KIF25: variants seen among roughly 807,000 people sequenced by gnomAD.
KIF25 encodes kinesin family member 25.
KIF25 carries 19 observed loss-of-function variants against 32.9 expected under a neutral mutation model. The ratio of observed to expected loss-of-function variants is 0.58; its 90% confidence interval spans 0.40 to 0.85. The LOEUF is 0.85. Among genes scored for constraint, KIF25 ranks in the 40% least tolerant of loss-of-function variants. The pLI, the probability that KIF25 is intolerant of heterozygous loss-of-function variation, is 0.00. For synonymous variants in KIF25, 225 were observed against 213.7 expected (o/e 1.05, Z -0.46); for missense variants, 485 against 507.0 (o/e 0.96, Z 0.42).
chr6:168,020,221 T>A (rs1480546825), intron 5 of KIF25, among the ~76,000 whole-genome samples: 1 of 152,012 alleles, frequency 6.6e-6, no homozygotes, highest in Non-Finnish European at 1.5e-5. Context: ...GGGTCAGACA[T>A]GAAAATGACC....
At chr6:168,018,399 T>G (rs1441877169) in intron 5 of KIF25, among the ~76,000 whole-genome samples, 6 of 152,222 alleles carry the variant, frequency 3.9e-5, no homozygotes, top group Non-Finnish European at 8.8e-5. Context: ...CAAGCTAGGC[T>G]GAGCTACAAT....
chr6:167,998,318 A>G lies in KIF25; in HGVS notation c.-1151A>G, dbSNP rs1261470870. Reference sequence around the variant, plus strand: ...CTGAGGAGCGTGCAGTGCGCGGCCCATGGAGAATATGCAGGCAGAGGCTGA... The same window carrying G: ...CTGAGGAGCGTGCAGTGCGCGGCCCGTGGAGAATATGCAGGCAGAGGCTGA... On this transcript the variant is annotated 5_prime_UTR_variant, in exon 1 of 13. The change abolishes an upstream ATG in the 5' untranslated region. Transcript: ENST00000643607. 6.6e-6 allele frequency: 1 copy of G among 152,228 alleles called. No homozygotes were observed. Among genetic ancestry groups the G allele is most frequent in the Non-Finnish European group, 1.5e-5 (1 of 68,060 alleles). The allele number at this position is 152,228 out of a possible 1,614,324, so 9.4% of individuals were successfully genotyped here.
chr6:168,041,972 A>G lies in KIF25; in HGVS notation c.650A>G (p.Asp217Gly). The G allele has an allele frequency of 1.3e-6, 2 of 1,551,410 alleles. No individual in the cohort carries two copies. Among genetic ancestry groups the G allele is most frequent in the Non-Finnish European group, 1.7e-6 (2 of 1,147,064 alleles). Residue 217 changes from aspartate (D) to glycine (G), a missense_variant, in exon 11 of 13, where the codon GAC (aspartate) becomes GGC (glycine). Coordinates refer to ENST00000643607, the MANE Select transcript of KIF25 (RefSeq NM_030615.4). ...GTCGCTCCTTGGTCCCTTGCAGCAG[A>G]CCAAGCCTGCAGTGCCACCCTCCCC... ...TTASCSDSTA[D>G]QACSATLPRE...
chr6:168,008,855 C>T (rs1409240525), intron 4 of KIF25, among the ~76,000 whole-genome samples: 1 of 151,826 alleles, frequency 6.6e-6, no homozygotes, highest in African/African-American at 2.4e-5. Flanking sequence ...ATGGGAGTGC[C>T]TTTTAAATTT....
chr6:168,006,395 G>A, intron 4 of KIF25, among the ~76,000 whole-genome samples: 1 of 152,124 alleles, frequency 6.6e-6, no homozygotes, highest in Non-Finnish European at 1.5e-5. Flanking sequence ...GTAATACTCA[G>A]CAATACAACG....
chr6:168,022,669 G>A (rs528806504), intron 5 of KIF25, among the ~76,000 whole-genome samples: 2 of 151,604 alleles, frequency 1.3e-5, no homozygotes, highest in South Asian at 4.2e-4. Context: ...TTGTATCTTT[G>A]TTGCCACTGA....
intron 7 of KIF25, among the ~76,000 whole-genome samples, chr6:168,032,171 G>C (rs543539216): frequency 6.6e-6 from 1 of 152,294 alleles, no homozygotes; most frequent in East Asian, 1.9e-4. Flanking sequence ...AGGCCTGTCC[G>C]GCCCCCACTT....
At position 168,038,609 on chromosome 6, in the gene KIF25, T is replaced by C. The variant is rs1046586766; in HGVS notation, c.374T>C (p.Val125Ala). The C allele has an allele frequency of 8.1e-6, 13 of 1,613,988 alleles. No homozygotes were observed. The highest frequency in any genetic ancestry group is 1.3e-5 in the African/African-American group (1 of 74,890). Residue 125 changes from valine (V) to alanine (A), a missense_variant, in exon 9 of 13, where the codon GTT becomes GCT. Val to Ala is a moderately conservative substitution (Grantham distance 64). Transcript: ENST00000643607. The stretch of plus-strand genomic sequence containing the variant: ...AAGGTTGAAGTCTCCATAGTGGAAG[T>C]TTACAATAATGACATTTTTGACCTT... The part of the protein sequence containing the change: ...SPKVEVSIVE[V>A]YNNDIFDLLA...
In KIF25 at chr6:168,040,046, C is replaced by A. The variant is rs774588739; in HGVS notation, c.495-19C>A. The A allele has an allele frequency of 2.5e-6, 4 of 1,604,824 alleles. No homozygotes were observed. Among genetic ancestry groups the A allele is most frequent in the Non-Finnish European group, 3.4e-6 (4 of 1,174,410 alleles). ...GGGGCCGCCCTCACTGTGTTCCCCA[C>A]TGCTTGCCTTGTCTGTAGGGCTGTC... On this transcript the variant is annotated intron_variant, in intron 9 of 12. Transcript: ENST00000643607.
intron 2 of KIF25, among the ~76,000 whole-genome samples, chr6:168,002,051 A>G (rs5029146): frequency 1.5e-3 from 98 of 66,742 alleles, no homozygotes; most frequent in Non-Finnish European, 1.9e-3. Flanking sequence ...CACCTGAGGC[A>G]TGGCCTCGGG....
rs572094460 is a variant in KIF25 at position 168,041,338 on chromosome 6, C to T, written c.647-631C>T. On this transcript the variant is annotated intron_variant, in intron 10 of 12. Transcript: ENST00000643607. ...CACAGCTGGGCACACGGCCTTGTAC[C>T]GCAGGGGCTGGAAAGGCACAGGCGT... Among the ~76,000 whole-genome samples the T allele has an allele frequency of 6.6e-5, 10 of 152,314 alleles. No individual in the cohort carries two copies. The South Asian group carries it at 2.1e-3, about 32-fold the overall frequency.
chr6:168,044,575 A>C (rs1180936883), intron 12 of KIF25, among the ~76,000 whole-genome samples: 5 of 119,266 alleles, frequency 4.2e-5, no homozygotes, highest in African/African-American at 1.3e-4. Flanking sequence ...CCGGCTGCTG[A>C]CCCTCCCGGA....
At chr6:168,035,639 A>G (rs1339711698) in intron 8 of KIF25, 1 of 452,298 alleles carries the variant, frequency 2.2e-6, no homozygotes, top group South Asian at 1.6e-5. Flanking sequence ...AGCGTTACCA[A>G]TGGGCCCATC....
At chr6:168,041,813 T>A (rs1448776910) in intron 10 of KIF25, among the ~76,000 whole-genome samples, 156 bp from the exon 11 acceptor site, 2 of 152,228 alleles carry the variant, frequency 1.3e-5, no homozygotes, top group Non-Finnish European at 2.9e-5. Flanking sequence ...GAAGCCACTA[T>A]CCCCTGGACC....
At chr6:168,021,471 C>T (rs2114886386) in intron 5 of KIF25, among the ~76,000 whole-genome samples, 2 of 152,254 alleles carry the variant, frequency 1.3e-5, no homozygotes, top group South Asian at 4.2e-4. Flanking sequence ...ACTGTGCTAA[C>T]CTATTTCTGT....
At chr6:168,043,622 C>A (rs1799165324) in intron 12 of KIF25, among the ~76,000 whole-genome samples, 2 of 152,186 alleles carry the variant, frequency 1.3e-5, no homozygotes, top group Admixed American at 1.3e-4. Flanking sequence ...AGAGAGAGAC[C>A]ACCTGGTACT....
chr6:168,044,917 G>T lies in KIF25; in HGVS notation c.1076G>T (p.Arg359Leu). 1.2e-6 allele frequency: 2 copies of T among 1,613,204 alleles called. No homozygotes were observed. The highest frequency in any genetic ancestry group is 1.7e-6 in the Non-Finnish European group (2 of 1,179,354). ...QTLQGLGFGI[R>L]ARQVQRGPAR... ...TTGCAGGGCCTGGGTTTCGGGATCC[G>T]AGCTCGGCAAGTCCAGCGAGGCCCT... Residue 359 changes from arginine to leucine, a missense_variant, in exon 13 of 13, where the codon CGA becomes CTA. Physicochemically the swap from Arg to Leu is moderately radical, Grantham distance 102. Transcript: ENST00000643607.
intron 2 of KIF25, among the ~76,000 whole-genome samples, chr6:168,000,214 T>C (rs1420076215): frequency 9.0e-6 from 1 of 111,704 alleles, no homozygotes; most frequent in African/African-American, 3.5e-5. Flanking sequence ...ACTCCCATCC[T>C]GACCACACCT....
intron 4 of KIF25, among the ~76,000 whole-genome samples, chr6:168,012,840 C>T (rs1798666276): frequency 6.6e-6 from 1 of 152,046 alleles, no homozygotes; most frequent in South Asian, 2.1e-4. Flanking sequence ...CTTCTCAGGC[C>T]TGGGACGAGG....
Sources: allele counts gnomAD v4.1 joint callset (sites outside exome capture counted in the v4.1 genomes callset), GRCh38; gene constraint gnomAD v4.1.1; transcripts MANE v1.5; gene names NCBI Gene and HGNC (gene_info 2026-07-23, HGNC 2026-07-21).